Variants in SRRM1 observed in about 807,000 individuals in gnomAD.
The protein encoded by SRRM1 is serine/arginine repetitive matrix protein 1.
A neutral mutation model predicts 110.2 loss-of-function variants in SRRM1; 19 were observed. The ratio of observed to expected loss-of-function variants is 0.17; its 90% CI spans 0.12 to 0.25. The LOEUF is 0.25. Among genes scored for constraint, SRRM1 ranks in the 10% least tolerant of loss-of-function variants. The pLI, the probability that SRRM1 is intolerant of heterozygous loss-of-function variation, is 1.00. For missense variants in SRRM1, 918 were observed against 1,145.8 expected, an observed-to-expected ratio of 0.80 and a Z score of 2.87; for synonymous variants, 443 against 414.9, an observed-to-expected ratio of 1.07 and a Z score of -0.82.
Position 24,650,050 on chromosome 1 carries a change from GC to G in SRRM1, c.486del (p.Ser162ArgfsTer67). On this transcript the variant is annotated frameshift_variant, in exon 5 of 17. Coordinates refer to ENST00000323848, the MANE Select transcript of SRRM1 (RefSeq NM_005839.4). LOFTEE classifies it high-confidence loss of function. Reference sequence around the variant, plus strand: ...AGAGATAAGGAAGAAAAAGAAAGCAGCAGAGAAAAAAGGGAGCGGTCTCGTA... The same window carrying G: ...AGAGATAAGGAAGAAAAAGAAAGCAGAGAGAAAAAAGGGAGCGGTCTCGTA... ...DKRDKEEKES[S>X]REKRERSRSP... The G allele has an allele frequency of 6.3e-7, 1 of 1,593,034 alleles. No individual in the cohort carries two copies. Among genetic ancestry groups the G allele is most frequent in the Non-Finnish European group, 8.6e-7 (1 of 1,169,412 alleles).
intron 15 of SRRM1, among the ~76,000 whole-genome samples, chr1:24,670,825 G>T (rs767862486): frequency 6.6e-6 from 1 of 151,852 alleles, no homozygotes; most frequent in Non-Finnish European, 1.5e-5. Flanking sequence ...TTAAGTAATT[G>T]CTTAGAAGTG....
chr1:24,655,040 C>G lies in SRRM1; in HGVS notation c.1226C>G (p.Pro409Arg), dbSNP rs1663208324. The G allele has an allele frequency of 1.2e-6, 2 of 1,614,072 alleles. No homozygotes were observed. The highest frequency in any genetic ancestry group is 1.3e-5 in the African/African-American group (1 of 74,928). The change falls in exon 9 of 17, where the codon CCC (proline) becomes CGC (arginine). Residue 409 changes from proline to arginine, a missense_variant. Physicochemically the swap from Pro to Arg is moderately radical, Grantham distance 103. Around this residue, in one of 5 missense-constraint regions of SRRM1, gnomAD observed 456 missense variants for 453.5 expected, o/e 1.01. Coordinates refer to ENST00000323848, the MANE Select transcript of SRRM1 (RefSeq NM_005839.4). ...HRPSPPATPP[P>R]KTRHSPTPQQ... ...CCATCACCTCCTGCAACTCCACCAC[C>G]CAAAACTCGGCATTCCCCTACACCC...
chr1:24,652,920 T>C lies in SRRM1; in HGVS notation c.928T>C (p.Ser310Pro). Residue 310 changes from serine (S) to proline (P), a missense_variant, in exon 8 of 17, where the codon TCA becomes CCA. Ser to Pro is a moderately conservative substitution (Grantham distance 74). Around this residue, in one of 5 missense-constraint regions of SRRM1, gnomAD observed 456 missense variants for 453.5 expected, o/e 1.01. Transcript: ENST00000323848. ...RRHRSRSRSY[S>P]PRRRPSPRRR... ...TTCTCTTTGTTATGGCAGATCGTAT[T>C]CACCTAGAAGGCGGCCAAGCCCAAG... The C allele has an allele frequency of 5.0e-6, 8 of 1,613,772 alleles. No individual in the cohort carries two copies. Among genetic ancestry groups the C allele is most frequent in the Non-Finnish European group, 6.8e-6 (8 of 1,179,862 alleles).
rs1671544459 is a variant in SRRM1, at chr1:24,669,226, G to C, written c.1843G>C (p.Ala615Pro). ...TTCTCCACCTCCAAAGAGAAGAACG[G>C]CTTCACCTCCTCCCCCTCCTAAACG... ...SPSPPPKRRTASPPPPPKRRA... is the reference protein window; with the variant it reads ...SPSPPPKRRTPSPPPPPKRRA... Residue 615 changes from alanine to proline, a missense_variant, in exon 14 of 17, where the codon GCT becomes CCT. Transcript: ENST00000323848. The C allele has an allele frequency of 6.2e-7, 1 of 1,613,924 alleles. No homozygotes were observed. The highest frequency in any genetic ancestry group is 8.5e-7 in the Non-Finnish European group (1 of 1,179,998).
At chr1:24,654,382 C>T (rs543096803) in intron 8 of SRRM1, 28 of 1,285,230 alleles carry the variant, frequency 2.2e-5, no homozygotes, top group Middle Eastern at 2.1e-4. Context: ...CAAATTTTGC[C>T]GCAGAATTCG....
chr1:24,665,425 G>A lies in SRRM1; in HGVS notation c.1629-1390G>A, dbSNP rs374353954. Among the ~76,000 whole-genome samples, 12 of 133,354 alleles carry A rather than the reference G, an allele frequency of 9.0e-5. No individual in the cohort carries two copies. In the South Asian group the frequency reaches 1.5e-3, roughly 16 times the overall value. The allele number at this position is 133,354 out of a possible 152,430, so 87.5% of individuals were successfully genotyped here. ...GCCTGGGCAACAAGAGCAAAACTCC[G>A]TCTCAAAAAAAAAAAAAGAGGCTCA... On this transcript the variant is annotated intron_variant, in intron 12 of 16. Transcript: ENST00000323848.
At chr1:24,651,934 C>CT (rs1482062396) in intron 6 of SRRM1, among the ~76,000 whole-genome samples, 1 of 149,174 alleles carries the variant, frequency 6.7e-6, no homozygotes, top group Non-Finnish European at 1.5e-5. Flanking sequence ...TGCCTGTAAT[C>CT]TCGGCACTTG....
rs745354212 is a variant in SRRM1, at chr1:24,652,509, AGAAAAG to A, written c.804_809del (p.Glu272_Lys273del). 5 of 1,613,136 alleles carry A rather than the reference AGAAAAG, an allele frequency of 3.1e-6. No homozygotes were observed. Among genetic ancestry groups the A allele is most frequent in the Admixed American group, 1.7e-5 (1 of 59,934 alleles). ...CTTCTCCGGAAAAAAATTCCAAAAA[AGAAAAG>A]GAGAAGGAGAAGACCCGACCACGAT... is the stretch of plus-strand genomic sequence containing the variant. On this transcript the variant is annotated inframe_deletion, in exon 7 of 17. Transcript: ENST00000323848.
intron 12 of SRRM1, among the ~76,000 whole-genome samples, chr1:24,664,706 G>A (rs1181122842): frequency 1.3e-5 from 2 of 152,190 alleles, no homozygotes; most frequent in Admixed American, 6.5e-5. Flanking sequence ...GGAGGAAACT[G>A]CTCCATGATA....
intron 1 of SRRM1, chr1:24,643,720 G>C (rs1655334812): frequency 3.5e-6 from 1 of 288,774 alleles, no homozygotes; most frequent in Admixed American, 5.2e-5. Context: ...GGAGGCCAAA[G>C]GAAAGCCCTA....
In SRRM1 at chr1:24,651,549, C is replaced by T; in HGVS notation, c.662C>T (p.Pro221Leu). The T allele has an allele frequency of 6.2e-7, 1 of 1,614,030 alleles. No individual in the cohort carries two copies. Among genetic ancestry groups the T allele is most frequent in the Non-Finnish European group, 8.5e-7 (1 of 1,180,016 alleles). The change falls in exon 6 of 17, where the codon CCA (proline) becomes CTA (leucine). Residue 221 changes from proline to leucine, a missense_variant. Physicochemically the swap from Pro to Leu is moderately conservative, Grantham distance 98. Transcript: ENST00000323848. ...GCTCCAGAAAAGAAGGAAAAAACTC[C>T]AGAGCTCCCAGAACCTTCAGTGAAA... Reference protein sequence around the residue: ...SPAPEKKEKTPELPEPSVKVK... With the variant: ...SPAPEKKEKTLELPEPSVKVK...
rs939533215 is a variant in SRRM1, at chr1:24,645,077, A to G, written c.22-907A>G. Among the ~76,000 whole-genome samples the G allele has an allele frequency of 4.6e-5, 7 of 152,338 alleles. No homozygotes were observed. In the South Asian group the frequency reaches 6.2e-4, roughly 14 times the overall value. ...GTATAGAAGTTATATCTTCCATTCA[A>G]TGAACTTCTTCCACATGCCAGATAC... On this transcript the variant is annotated intron_variant, in intron 1 of 16. Transcript: ENST00000323848.
chr1:24,663,678 A>C (rs1668376774), intron 12 of SRRM1, among the ~76,000 whole-genome samples: 1 of 151,956 alleles, frequency 6.6e-6, no homozygotes, highest in Non-Finnish European at 1.5e-5. Context: ...GGAGATCAAG[A>C]CCATCCTGGC....
At position 24,662,676 on chromosome 1, in the gene SRRM1, C is replaced by T; in HGVS notation, c.1500C>T (p.Ser500=). Residue 500 remains serine, a synonymous_variant, in exon 12 of 17, where the codon TCC becomes TCT. Transcript: ENST00000323848. ...QQSSSDSGSS[S]SSEDERPKRS... ...TAATTATAGACTCTGGCTCCTCCTC[C>T]TCCTCAGAAGATGAACGACCCAAGA... is the stretch of plus-strand genomic sequence containing the variant. 5 of 1,613,926 alleles carry T rather than the reference C, an allele frequency of 3.1e-6. No individual in the cohort carries two copies. The highest frequency in any genetic ancestry group is 4.2e-6 in the Non-Finnish European group (5 of 1,179,944).
chr1:24,651,070 T>A (rs918572997), intron 5 of SRRM1, among the ~76,000 whole-genome samples: 8 of 152,250 alleles, frequency 5.3e-5, no homozygotes, highest in African/African-American at 1.4e-4. Flanking sequence ...TTTGGGAGTT[T>A]GATTTGTTGT....
intron 8 of SRRM1, 118 bp from the exon 9 acceptor site, chr1:24,654,737 A>G: frequency 8.2e-7 from 1 of 1,218,020 alleles, no homozygotes; most frequent in Non-Finnish European, 1.2e-6. Flanking sequence ...TTATGTGCTT[A>G]GCTACATAAA....
Position 24,672,614 on chromosome 1 carries a change from T to G in SRRM1, c.*328T>G. 6.2e-6 allele frequency: 1 copy of G among 160,166 alleles called. No individual in the cohort carries two copies. The highest frequency in any genetic ancestry group is 1.4e-5 in the Non-Finnish European group (1 of 72,932). The allele number at this position is 160,166 out of a possible 1,614,324, so 9.9% of individuals were successfully genotyped here. Reference sequence around the variant, plus strand: ...GCCCTAGCTATTCCCAGAGGGGTTTTTTTGTTTGTTTTTTTGGTTTTGATT... The same window carrying G: ...GCCCTAGCTATTCCCAGAGGGGTTTGTTTGTTTGTTTTTTTGGTTTTGATT... On this transcript the variant is annotated 3_prime_UTR_variant, in exon 17 of 17. Coordinates refer to ENST00000323848, the MANE Select transcript of SRRM1 (RefSeq NM_005839.4).
At chr1:24,645,887 T>C in intron 1 of SRRM1, 97 bp from the exon 2 acceptor site, 1 of 883,632 alleles carries the variant, frequency 1.1e-6, no homozygotes, top group Non-Finnish European at 1.8e-6. Context: ...GTATTGTGTT[T>C]ACTTGGTTAC....
chr1:24,672,075 C>T, intron 16 of SRRM1, 107 bp from the exon 17 acceptor site: 2 of 810,510 alleles, frequency 2.5e-6, no homozygotes, highest in Non-Finnish European at 4.0e-6. Flanking sequence ...TACCCCACAA[C>T]AGTCCCCGGT....
Sources: gnomAD v4.1 joint callset for allele counts (sites outside exome capture counted in the v4.1 genomes callset) on GRCh38, gnomAD v4.1.1 for gene constraint, gnomAD v4.1.1 regional missense constraint, MANE v1.5 for transcripts, NCBI Gene and HGNC (gene_info 2026-07-23, HGNC 2026-07-21) for gene names.